The following GRK1 variants were observed in gnomAD, a reference collection of about 807,000 sequenced individuals.
The protein encoded by GRK1 is rhodopsin kinase GRK1.
In GRK1, 28 loss-of-function variants were observed where a neutral mutation model predicts 41.7. The observed-to-expected ratio is 0.67, with a 90% confidence interval of 0.50 to 0.92. The LOEUF (loss-of-function observed/expected upper bound fraction) is 0.92. Ranked by LOEUF, GRK1 falls within the 40% of genes least tolerant of loss-of-function variation. GRK1 has a pLI of 0.00. For synonymous variants in GRK1, 327 were observed against 286.7 expected (o/e 1.14, Z -1.42); for missense variants, 703 against 671.2 (o/e 1.05, Z -0.52).
rs2049876838 is a variant in GRK1, at chr13:113,724,348, C to T, written c.1069+1191C>T. ...TCCGCAGTCTTGAGGGTCCGCGTGT[C>T]GGGCTCACTTCTGCTGGGATTTCCA... On this transcript the variant is annotated intron_variant, in intron 4 of 6. Transcript: ENST00000335678. Among the ~76,000 whole-genome samples, 4 of 152,308 alleles carry T rather than the reference C, an allele frequency of 2.6e-5. No individual in the cohort carries two copies. The South Asian group carries it at 8.3e-4, about 32-fold the overall frequency.
chr13:113,667,971 C>T lies in GRK1; in HGVS notation c.585C>T (p.Val195=). The T allele has an allele frequency of 6.2e-7, 1 of 1,610,880 alleles. No individual in the cohort carries two copies. Among genetic ancestry groups the T allele is most frequent in the East Asian group, 2.2e-5 (1 of 44,790 alleles). ...AGGACTGGTTCCTGGACTTCAGGGT[C>T]CTAGGGAAAGGGGGCTTCGGGGAGG... ...MGEDWFLDFR[V]LGKGGFGEVS... Residue 195 remains valine, a synonymous_variant, in exon 1 of 7, where the codon GTC becomes GTT. Transcript: ENST00000335678. The surrounding 1 kb of genome is among the most constrained non-coding windows in gnomAD (Gnocchi z 7.5).
the GRK1 span, chr13:113,655,072 C>A: frequency 1.2e-5 from 16 of 1,286,158 alleles, no homozygotes; most frequent in Non-Finnish European, 1.6e-5. Flanking sequence ...TCTCCTCCCC[C>A]AAAACAGAAA....
the GRK1 span, among the ~76,000 whole-genome samples, chr13:113,659,928 A>G: frequency 6.6e-6 from 1 of 152,190 alleles, no homozygotes; most frequent in Non-Finnish European, 1.5e-5. Flanking sequence ...AAGGGTATAG[A>G]TGCTCTTGAA....
the GRK1 span, chr13:113,652,939 T>C: frequency 1.6e-5 from 26 of 1,614,254 alleles, no homozygotes; most frequent in Non-Finnish European, 2.1e-5. Flanking sequence ...CCGCCAGGCC[T>C]GAGCAGTTCT....
chr13:113,655,175 T>A, the GRK1 span, among the ~76,000 whole-genome samples: 1 of 152,208 alleles, frequency 6.6e-6, no homozygotes, highest in East Asian at 1.9e-4. Flanking sequence ...GACGTCCACA[T>A]AGGCAGAATC....
In GRK1 at chr13:113,733,823, G is replaced by A. The variant is rs1390069801; in HGVS notation, c.1396+738G>A. Among the ~76,000 whole-genome samples the A allele has an allele frequency of 3.9e-3, 537 of 136,984 alleles. 16 individuals are homozygous for A. Among genetic ancestry groups the A allele is most frequent in the African/African-American group, 0.016 (483 of 30,548 alleles). The allele number at this position is 136,984 out of a possible 152,430, so 89.9% of individuals were successfully genotyped here. A position where few individuals can be genotyped will look rare whatever the true frequency, so the allele number is the denominator to read the frequency against. ...TGTATCTGTGTGCATACGTGTGTGC[G>A]TGTGTGTGCACGTGCGTGTGCATGT... On this transcript the variant is annotated intron_variant, in intron 6 of 6. Transcript: ENST00000335678.
chr13:113,652,877 T>G, the GRK1 span: 2 of 1,614,028 alleles, frequency 1.2e-6, no homozygotes, highest in Non-Finnish European at 1.7e-6. Flanking sequence ...ACTCACCCTG[T>G]TCATTTTAAT....
At chr13:113,666,190 G>C (rs2049817482), upstream of GRK1, among the ~76,000 whole-genome samples, 1 of 143,408 alleles carries the variant, frequency 7.0e-6, no homozygotes, top group African/African-American at 2.8e-5. Context: ...AGTGTCTCAG[G>C]TGTGCCCCAG....
At chr13:113,670,846 G>C (rs1458975057) in intron 2 of GRK1, among the ~76,000 whole-genome samples, 1 of 151,674 alleles carries the variant, frequency 6.6e-6, no homozygotes, top group Non-Finnish European at 1.5e-5. Flanking sequence ...TGCACACACA[G>C]GGTTGTCCAG....
chr13:113,652,687 A>C, the GRK1 span: 1 of 718,978 alleles, frequency 1.4e-6, no homozygotes, highest in Non-Finnish European at 2.5e-6. Context: ...AGTGGTTTCA[A>C]ATTTGTATCT....
chr13:113,670,375 C>T (rs961341085), intron 2 of GRK1, among the ~76,000 whole-genome samples: 2 of 152,186 alleles, frequency 1.3e-5, no homozygotes, highest in African/African-American at 2.4e-5. Flanking sequence ...TTAGCCACTG[C>T]GTGCTTCTGT....
Position 113,669,588 on chromosome 13 carries a change from C to T in GRK1, c.700-99C>T, listed in dbSNP as rs1023634391. ...AAGCATGTTTGCGACTGCTCCGTGGCTGTGTGCAGTGGGCGTGGCCGGGTG... is the reference window on the plus strand; with the variant it reads ...AAGCATGTTTGCGACTGCTCCGTGGTTGTGTGCAGTGGGCGTGGCCGGGTG... On this transcript the variant is annotated intron_variant, in intron 1 of 6. Transcript: ENST00000335678. 8.3e-6 allele frequency: 12 copies of T among 1,446,104 alleles called. No homozygotes were observed. The African/African-American group carries it at 1.1e-4, about 13-fold the overall frequency. The allele number at this position is 1,446,104 out of a possible 1,614,324, so 89.6% of individuals were successfully genotyped here. A position where few individuals can be genotyped will look rare whatever the true frequency, so the allele number is the denominator to read the frequency against.
chr13:113,667,241 C>T lies in GRK1; in HGVS notation c.-146C>T, dbSNP rs2049824143. 1 of 803,666 alleles carries T rather than the reference C, an allele frequency of 1.2e-6. No individual in the cohort carries two copies. The highest frequency in any genetic ancestry group is 2.0e-5 in the South Asian group (1 of 49,724). 49.8% of individuals were successfully genotyped at this position (803,666 alleles called of 1,614,324 possible). A position where few individuals can be genotyped will look rare whatever the true frequency, so the allele number is the denominator to read the frequency against. ...CCCAGTGGTCCCCAGGAACCCTCGA[C>T]AGGGCCAGGGCGTCTCTCTCGTCCA... On this transcript the variant is annotated 5_prime_UTR_variant, in exon 1 of 7. Coordinates refer to ENST00000335678, the MANE Select transcript of GRK1 (RefSeq NM_002929.3). This position sits in a 1 kb window ranked among gnomAD's most constrained non-coding sequence, Gnocchi z 7.5.
intron 3 of GRK1, among the ~76,000 whole-genome samples, chr13:113,672,405 T>C (rs2049863609): frequency 8.8e-6 from 1 of 113,416 alleles, no homozygotes; most frequent in Non-Finnish European, 1.9e-5. Context: ...GTGTGTGGTA[T>C]GTGGAATGTG....
chr13:113,660,256 C>T, the GRK1 span, among the ~76,000 whole-genome samples: 6 of 152,130 alleles, frequency 3.9e-5, no homozygotes, highest in East Asian at 9.6e-4. Flanking sequence ...TCAGACACAA[C>T]GTAGTAGAAA....
the GRK1 span, chr13:113,653,383 T>C: frequency 6.2e-7 from 1 of 1,614,248 alleles, no homozygotes; most frequent in Non-Finnish European, 8.5e-7. Flanking sequence ...AGAGACGTTG[T>C]AGACAATTTC....
At chr13:113,660,214 G>A in the GRK1 span, among the ~76,000 whole-genome samples, 2,043 of 152,150 alleles carry the variant, frequency 0.013, 44 homozygotes, top group African/African-American at 0.046. Context: ...GGCAGCCACC[G>A]GTCACCCCTC....
chr13:113,672,389 GGTATT>G (rs1223660071), intron 3 of GRK1, among the ~76,000 whole-genome samples: 3 of 740 alleles, frequency 4.1e-3, no homozygotes, highest in Admixed American at 0.016. Flanking sequence ...TGGTATGTGT[GGTATT>G]GTGTGTGGTA....
At chr13:113,733,862 C>CAT (rs541809922) in intron 6 of GRK1, among the ~76,000 whole-genome samples, 15,413 of 103,376 alleles carry the variant, frequency 0.15, 1,837 homozygotes, top group Middle Eastern at 0.27. Context: ...TGTGTGCATA[C>CAT]GTGTGTGCGT....
Sources: gnomAD v4.1 joint callset for allele counts (sites outside exome capture counted in the v4.1 genomes callset) on GRCh38, gnomAD v4.1.1 for gene constraint, Gnocchi (gnomAD v3.1) non-coding constraint, MANE v1.5 for transcripts, NCBI Gene and HGNC (gene_info 2026-07-23, HGNC 2026-07-21) for gene names.